Variants in PDE1A observed in about 807,000 individuals in gnomAD.
PDE1A encodes dual specificity calcium/calmodulin-dependent 3',5'-cyclic nucleotide phosphodiesterase 1A.
Under a neutral mutation model 61.7 loss-of-function variants are expected in PDE1A, and 35 were observed. The ratio of observed to expected loss-of-function variants is 0.57; its 90% CI spans 0.43 to 0.75. PDE1A has a LOEUF of 0.75. Among genes scored for constraint, PDE1A ranks in the 30% least tolerant of loss-of-function variants. The pLI is 0.00. For synonymous variants in PDE1A, 232 were observed against 213.2 expected (o/e 1.09, Z -0.77); for missense variants, 597 against 630.6 (o/e 0.95, Z 0.57).
chr2:182,480,002 CCT>C (rs1687608866), intron 2 of PDE1A, among the ~76,000 whole-genome samples: 2 of 151,818 alleles, frequency 1.3e-5, no homozygotes, highest in Admixed American at 6.6e-5. Context: ...CAATTACTTT[CCT>C]CTCTCAAATA....
chr2:182,576,997 T>C, the PDE1A span, among the ~76,000 whole-genome samples: 1 of 152,224 alleles, frequency 6.6e-6, no homozygotes, highest in Non-Finnish European at 1.5e-5. Flanking sequence ...ATATCAGATA[T>C]ACGATTTGCA....
chr2:182,223,768 G>T, intron 7 of PDE1A, 96 bp downstream of exon 7: 1 of 678,864 alleles, frequency 1.5e-6, no homozygotes, highest in Non-Finnish European at 2.4e-6. Context: ...GTTCTTATTA[G>T]AATCTTTATT....
chr2:182,657,722 T>G, the PDE1A span, among the ~76,000 whole-genome samples: 1 of 152,152 alleles, frequency 6.6e-6, no homozygotes, highest in South Asian at 2.1e-4. Context: ...TAGTGAAATT[T>G]TAGACATTAG....
the PDE1A span, among the ~76,000 whole-genome samples, chr2:182,559,611 G>T: frequency 6.6e-6 from 1 of 152,124 alleles, no homozygotes; most frequent in Non-Finnish European, 1.5e-5. Flanking sequence ...CCATGGCCCA[G>T]CAATTCTCTC....
the PDE1A span, among the ~76,000 whole-genome samples, chr2:182,541,905 T>A: frequency 6.6e-6 from 1 of 152,152 alleles, no homozygotes; most frequent in Non-Finnish European, 1.5e-5. Flanking sequence ...TAAATGAAGC[T>A]TTATGTGTGA....
At chr2:182,694,937 T>A in the PDE1A span, among the ~76,000 whole-genome samples, 2 of 151,802 alleles carry the variant, frequency 1.3e-5, no homozygotes, top group African/African-American at 2.4e-5. Flanking sequence ...CTATTTCTAC[T>A]TAATATACTA....
Position 182,240,941 on chromosome 2 carries a change from G to A in PDE1A, c.168-649C>T, listed in dbSNP as rs1385931721. On this transcript the variant is annotated intron_variant, in intron 2 of 13. Coordinates refer to ENST00000351439, the Ensembl canonical transcript of PDE1A. ...ATATCAAATAGATTATGTTTAAAGC[G>A]CATTTCAGGTGACCACGGGGTGGAG... Among the ~76,000 whole-genome samples the A allele has an allele frequency of 5.9e-5, 9 of 152,080 alleles. No homozygotes were observed. In the South Asian group the frequency reaches 6.2e-4, roughly 11 times the overall value.
downstream of PDE1A, among the ~76,000 whole-genome samples, chr2:182,143,997 T>C (rs1375981487): frequency 6.6e-6 from 1 of 152,154 alleles, no homozygotes; most frequent in African/African-American, 2.4e-5. Flanking sequence ...ATGAGTTAAG[T>C]GGGCCAGTGT....
chr2:182,484,132 C>G (rs1687867045), intron 2 of PDE1A, among the ~76,000 whole-genome samples: 1 of 151,900 alleles, frequency 6.6e-6, no homozygotes, highest in South Asian at 2.1e-4. Context: ...GAGGAAAATT[C>G]AGGCCCAGGT....
the PDE1A span, among the ~76,000 whole-genome samples, chr2:182,586,969 T>C: frequency 6.6e-6 from 1 of 152,124 alleles, no homozygotes; most frequent in African/African-American, 2.4e-5. Context: ...TAAAGCATAA[T>C]GAAAGGGCAC....
At chr2:182,428,539 T>C (rs191859877), upstream of PDE1A, among the ~76,000 whole-genome samples, 2 of 152,274 alleles carry the variant, frequency 1.3e-5, no homozygotes, top group East Asian at 3.9e-4. Context: ...GTACCAATGA[T>C]AAATTCACAT....
chr2:182,610,202 C>T, the PDE1A span, among the ~76,000 whole-genome samples: 1 of 152,028 alleles, frequency 6.6e-6, no homozygotes, highest in Non-Finnish European at 1.5e-5. Flanking sequence ...CCCTTTTTGT[C>T]CAATCCTATT....
At chr2:182,509,340 A>G (rs1218673409) in intron 2 of PDE1A, among the ~76,000 whole-genome samples, 1 of 152,230 alleles carries the variant, frequency 6.6e-6, no homozygotes, top group African/African-American at 2.4e-5. Flanking sequence ...AGTTTCTGAC[A>G]TCCAAACCAT....
chr2:182,443,060 C>A (rs1409799831), intron 2 of PDE1A, among the ~76,000 whole-genome samples: 1 of 151,900 alleles, frequency 6.6e-6, no homozygotes, highest in African/African-American at 2.4e-5. Flanking sequence ...GGTAAATCCC[C>A]CTTCTGAGGT....
At chr2:182,560,636 C>T in the PDE1A span, among the ~76,000 whole-genome samples, 1 of 152,138 alleles carries the variant, frequency 6.6e-6, no homozygotes, top group African/African-American at 2.4e-5. Flanking sequence ...GAGGAATCAC[C>T]ACACTGACTT....
At chr2:182,702,111 T>A in the PDE1A span, among the ~76,000 whole-genome samples, 1 of 152,204 alleles carries the variant, frequency 6.6e-6, no homozygotes, top group South Asian at 2.1e-4. Flanking sequence ...ATTTATTGAT[T>A]GATTGATTTT....
At chr2:182,279,509 T>C (rs1408155975) in intron 1 of PDE1A, among the ~76,000 whole-genome samples, 6 of 151,940 alleles carry the variant, frequency 3.9e-5, no homozygotes, top group Non-Finnish European at 5.9e-5. Context: ...TGGAAGAATA[T>C]CAACCCTGAA....
chr2:182,530,531 G>C, the PDE1A span, among the ~76,000 whole-genome samples: 1 of 152,110 alleles, frequency 6.6e-6, no homozygotes, highest in African/African-American at 2.4e-5. Flanking sequence ...AAAGCAGTGA[G>C]AGAAAAATTC....
the PDE1A span, among the ~76,000 whole-genome samples, chr2:182,583,137 A>G: frequency 2.0e-5 from 3 of 152,156 alleles, no homozygotes; most frequent in Non-Finnish European, 4.4e-5. Flanking sequence ...ATCTCCTTCC[A>G]GTGGTAAAAT....
Sources: gnomAD v4.1 joint callset for allele counts (sites outside exome capture counted in the v4.1 genomes callset) on GRCh38, gnomAD v4.1.1 for gene constraint, MANE v1.5 for transcripts, NCBI Gene and HGNC (gene_info 2026-07-23, HGNC 2026-07-21) for gene names.